The following PPM1H variants were observed in gnomAD, a reference collection of about 807,000 sequenced individuals.
PPM1H encodes protein phosphatase 1H.
A neutral mutation model predicts 54.9 loss-of-function variants in PPM1H; 27 were observed. The ratio of observed to expected loss-of-function variants is 0.49; its 90% CI spans 0.36 to 0.68. PPM1H has a LOEUF of 0.68. Ranked by LOEUF, PPM1H falls within the 30% of genes least tolerant of loss-of-function variation. The pLI, the probability that PPM1H is intolerant of heterozygous loss-of-function variation, is 0.00. For synonymous variants in PPM1H, 305 were observed against 270.8 expected (o/e 1.13, Z -1.24); for missense variants, 596 against 667.8 (o/e 0.89, Z 1.19).
At chr12:62,725,283 C>A (rs2076284072) in intron 5 of PPM1H, among the ~76,000 whole-genome samples, 1 of 152,170 alleles carries the variant, frequency 6.6e-6, no homozygotes, top group Non-Finnish European at 1.5e-5. Context: ...GGACATTCTA[C>A]CCCAAAAAAT....
chr12:62,922,388 T>C (rs774025035), intron 1 of PPM1H, among the ~76,000 whole-genome samples: 2 of 151,920 alleles, frequency 1.3e-5, no homozygotes, highest in Non-Finnish European at 2.9e-5. Flanking sequence ...AATAATTCAG[T>C]GATGGTCACC....
chr12:62,838,638 C>CCCAG (rs1409295493), intron 1 of PPM1H, among the ~76,000 whole-genome samples: 3 of 144,462 alleles, frequency 2.1e-5, no homozygotes, highest in African/African-American at 8.2e-5. Context: ...AATAGCTTCT[C>CCCAG]TGGCCGGGCG....
intron 2 of PPM1H, among the ~76,000 whole-genome samples, chr12:62,817,128 AAAAAAAAAGAAAAAAAAAAAAACT>A (rs2076871792): frequency 1.4e-4 from 17 of 123,674 alleles, no homozygotes; most frequent in African/African-American, 5.2e-4. Context: ...AAAAAAAAAA[AAAAAAAAAGAAAAAAAAAAAAACT>A]AAAAAAAAGA....
chr12:62,803,763 G>A (rs1231289314), intron 2 of PPM1H, among the ~76,000 whole-genome samples: 3 of 152,150 alleles, frequency 2.0e-5, no homozygotes, highest in Non-Finnish European at 4.4e-5. Flanking sequence ...CAAAAGGTAG[G>A]TAGCCTATGG....
At chr12:62,757,054 A>G (rs777733443) in intron 4 of PPM1H, among the ~76,000 whole-genome samples, 9 of 152,160 alleles carry the variant, frequency 5.9e-5, no homozygotes, top group Non-Finnish European at 7.3e-5. Flanking sequence ...TGGCACCCCC[A>G]ATGATGAGAC....
intron 5 of PPM1H, among the ~76,000 whole-genome samples, chr12:62,726,899 A>G (rs1448246191): frequency 1.3e-5 from 2 of 151,980 alleles, no homozygotes; most frequent in Admixed American, 6.6e-5. Flanking sequence ...GGAATTTGCT[A>G]GTTTGCTAAT....
chr12:62,905,680 A>G (rs1226090289), intron 1 of PPM1H, among the ~76,000 whole-genome samples: 1 of 152,216 alleles, frequency 6.6e-6, no homozygotes, highest in African/African-American at 2.4e-5. Flanking sequence ...GAGTAGACCA[A>G]TAACAGGAAG....
At chr12:62,882,461 C>T (rs1348771904) in intron 1 of PPM1H, among the ~76,000 whole-genome samples, 1 of 152,240 alleles carries the variant, frequency 6.6e-6, no homozygotes, top group African/African-American at 2.4e-5. Flanking sequence ...ATTTAAAGCC[C>T]CTCCAGTCCC....
chr12:62,679,360 C>T (rs1370076485), intron 8 of PPM1H, among the ~76,000 whole-genome samples: 1 of 152,104 alleles, frequency 6.6e-6, no homozygotes, highest in African/African-American at 2.4e-5. Flanking sequence ...GGCAAATCGC[C>T]CCCAAGGGTG....
chr12:62,865,773 A>G (rs561249443), intron 1 of PPM1H, among the ~76,000 whole-genome samples: 1 of 152,308 alleles, frequency 6.6e-6, no homozygotes, highest in Admixed American at 6.5e-5. Flanking sequence ...CTGGGATTAC[A>G]GGCCTGAGCC....
At chr12:62,705,113 A>G (rs2076165801) in intron 6 of PPM1H, among the ~76,000 whole-genome samples, 1 of 152,250 alleles carries the variant, frequency 6.6e-6, no homozygotes, top group Non-Finnish European at 1.5e-5. Context: ...TTAACCCAAC[A>G]TATGCACAAA....
intron 4 of PPM1H, chr12:62,756,102 T>C: frequency 1.1e-6 from 1 of 933,600 alleles, no homozygotes; most frequent in Non-Finnish European, 1.7e-6. Context: ...CATCCACTCT[T>C]CAACCTTTGA....
At chr12:62,658,182 ATTTTTTTT>A (rs1173229360) in intron 9 of PPM1H, among the ~76,000 whole-genome samples, 5,569 of 87,558 alleles carry the variant, frequency 0.064, 177 homozygotes, top group South Asian at 0.075. Context: ...AACACGGTGA[ATTTTTTTT>A]TTTTTTTTTT....
intron 9 of PPM1H, among the ~76,000 whole-genome samples, chr12:62,662,445 A>G (rs562641495): frequency 6.6e-6 from 1 of 152,352 alleles, no homozygotes; most frequent in Admixed American, 6.5e-5. Flanking sequence ...GAGGAGACAG[A>G]TGGTCTACCT....
intron 1 of PPM1H, among the ~76,000 whole-genome samples, chr12:62,882,125 T>C (rs1016218302): frequency 6.6e-6 from 1 of 152,250 alleles, no homozygotes; most frequent in Non-Finnish European, 1.5e-5. Flanking sequence ...TCTATACATA[T>C]GCAAAAGATG....
intron 1 of PPM1H, among the ~76,000 whole-genome samples, chr12:62,872,962 T>C (rs902753739): frequency 6.6e-6 from 1 of 152,210 alleles, no homozygotes; most frequent in African/African-American, 2.4e-5. Context: ...CACTATAAAT[T>C]TCATTCAATA....
chr12:62,786,650 C>T (rs1047319986), intron 4 of PPM1H, among the ~76,000 whole-genome samples: 4 of 152,184 alleles, frequency 2.6e-5, no homozygotes, highest in Admixed American at 6.5e-5. Context: ...TTCCTGGGGA[C>T]CTCAACACTC....
At chr12:62,776,759 C>T (rs1182338192) in intron 4 of PPM1H, among the ~76,000 whole-genome samples, 2 of 152,234 alleles carry the variant, frequency 1.3e-5, no homozygotes, top group African/African-American at 4.8e-5. Flanking sequence ...ATGTTTCTCC[C>T]TCCCTTCCTG....
chr12:62,814,945 G>A (rs774219177), intron 2 of PPM1H, among the ~76,000 whole-genome samples: 2 of 152,188 alleles, frequency 1.3e-5, no homozygotes, highest in Non-Finnish European at 2.9e-5. Flanking sequence ...GAATCTCAGT[G>A]AAGATGATAA....
Sources: gnomAD v4.1 joint callset for allele counts (sites outside exome capture counted in the v4.1 genomes callset) on GRCh38, gnomAD v4.1.1 for gene constraint, MANE v1.5 for transcripts, NCBI Gene and HGNC (gene_info 2026-07-23, HGNC 2026-07-21) for gene names.